The following CALY variants were observed in gnomAD, a reference collection of about 807,000 sequenced individuals.
CALY encodes the protein calcyon neuron specific vesicular protein.
In CALY, 15 loss-of-function variants were observed where a neutral mutation model predicts 20.2. That is an observed-to-expected ratio of 0.74 (90% CI 0.50 to 1.14). The LOEUF (loss-of-function observed/expected upper bound fraction) is 1.14, where lower values mean the gene tolerates loss of function less well. Ranked by LOEUF, CALY falls within the 50% of genes most tolerant of loss-of-function variation. The pLI, the probability that CALY is intolerant of heterozygous loss-of-function variation, is 0.00. For missense variants in CALY, 270 were observed against 304.4 expected (o/e 0.89, Z 0.84); for synonymous variants, 129 against 131.8 (o/e 0.98, Z 0.15).
intron 1 of CALY, among the ~76,000 whole-genome samples, chr10:133,329,392 C>CTTCTTCTTCTTTTTTTTTTTTTTTT (rs549430070): frequency 4.4e-5 from 6 of 137,450 alleles, no homozygotes; most frequent in African/African-American, 1.4e-4. Flanking sequence ...TCTTCTTCTT[C>CTTCTTCTTCTTTTTTTTTTTTTTTT]TTTTTTTTTT....
chr10:133,326,068 G>A lies in CALY; in HGVS notation c.413C>T (p.Pro138Leu). 1 of 1,600,554 alleles carries A rather than the reference G, an allele frequency of 6.2e-7. No individual in the cohort carries two copies. Among genetic ancestry groups the A allele is most frequent in the Non-Finnish European group, 8.5e-7 (1 of 1,172,704 alleles). The change falls in exon 5 of 6, where the codon CCC becomes CTC. Residue 138 changes from proline to leucine, a missense_variant. By Grantham distance (98) the Pro-to-Leu change is moderately conservative. Transcript: ENST00000252939. ...CGCCAGGATGCTGCGGTGGCGCTCG[G>A]GGTCCATCTCCGTGTAGTACATCTC... ...TLEMYYTEMD[P>L]ERHRSILAAI... is the part of the protein sequence containing the mutation.
chr10:133,335,260 C>T (rs1438536044), intron 1 of CALY, among the ~76,000 whole-genome samples: 1 of 152,024 alleles, frequency 6.6e-6, no homozygotes, highest in Non-Finnish European at 1.5e-5. Context: ...TCTCTACAGA[C>T]GGGCGAGGGG....
chr10:133,327,421 A>T (rs1848232321), intron 3 of CALY: 1 of 502,452 alleles, frequency 2.0e-6, no homozygotes, highest in African/African-American at 1.9e-5. Context: ...ACGTGAGGCC[A>T]GGGGCGGGGA....
At position 133,335,824 on chromosome 10, in the gene CALY, C is replaced by T. The variant is rs527694760; in HGVS notation, c.-21+1010G>A. Among the ~76,000 whole-genome samples the T allele has an allele frequency of 8.1e-4, 124 of 152,282 alleles. 1 individual carries two copies. Among genetic ancestry groups the T allele is most frequent in the African/African-American group, 2.9e-3 (119 of 41,572 alleles). ...CGCGCTCTGGCAGGGAGGCAGTGCC[C>T]GGCTCCTGTCTCTGGGGCGGGGAAG... On this transcript the variant is annotated intron_variant, in intron 1 of 5. Coordinates refer to ENST00000252939, the MANE Select transcript of CALY (RefSeq NM_015722.4).
At chr10:133,334,860 G>A (rs1308954092) in intron 1 of CALY, among the ~76,000 whole-genome samples, 2 of 152,038 alleles carry the variant, frequency 1.3e-5, no homozygotes, top group Admixed American at 6.5e-5. Flanking sequence ...CATCGCAGGC[G>A]ACCCTGTGCC....
At position 133,325,802 on chromosome 10, in the gene CALY, G is replaced by A. The variant is rs561109238; in HGVS notation, c.*25C>T. 2 of 1,182,782 alleles carry A rather than the reference G, an allele frequency of 1.7e-6. No homozygotes were observed. Among genetic ancestry groups the A allele is most frequent in the Admixed American group, 4.4e-5 (1 of 22,560 alleles). The allele number at this position is 1,182,782 out of a possible 1,614,324, so 73.3% of individuals were successfully genotyped here. On this transcript the variant is annotated 3_prime_UTR_variant, in exon 5 of 6. Coordinates refer to ENST00000252939, the MANE Select transcript of CALY (RefSeq NM_015722.4). ...GAGCCCCGCGGCGCGCACCTACCCC[G>A]GGCCGGGCTGCGGGGCTGGAGACGT...
chr10:133,328,763 GGGAAGA>G, intron 2 of CALY, 86 bp downstream of exon 2: 1 of 1,330,058 alleles, frequency 7.5e-7, no homozygotes, highest in Non-Finnish European at 1.0e-6. Context: ...TACTGCACCT[GGGAAGA>G]GGCCATATCT....
In CALY at chr10:133,324,989, A is replaced by G. The variant is rs1848179741; in HGVS notation, c.*606T>C. 4 of 172,522 alleles carry G rather than the reference A, an allele frequency of 2.3e-5. No individual in the cohort carries two copies. The highest frequency in any genetic ancestry group is 5.8e-5 in the Admixed American group (1 of 17,154). The allele number at this position is 172,522 out of a possible 1,614,324, so 10.7% of individuals were successfully genotyped here. On this transcript the variant is annotated 3_prime_UTR_variant, in exon 6 of 6. Transcript: ENST00000252939. ...ATTTATGCCTGTGGGCCACACATCT[A>G]GGAGGCAGGAGCTGCTCATGGGTGC...
At chr10:133,335,624 A>T (rs1202519528) in intron 1 of CALY, among the ~76,000 whole-genome samples, 1 of 151,366 alleles carries the variant, frequency 6.6e-6, no homozygotes, top group Non-Finnish European at 1.5e-5. Flanking sequence ...GTGGGGTCCA[A>T]CCCCCCCACC....
rs1342517885 is a variant in CALY, at chr10:133,325,980, G to A, written c.501C>T (p.Asp167=). 1 of 1,550,392 alleles carries A rather than the reference G, an allele frequency of 6.4e-7. No homozygotes were observed. The highest frequency in any genetic ancestry group is 1.2e-5 in the South Asian group (1 of 84,242). The change falls in exon 5 of 6, where the codon GAC becomes GAT. Residue 167 remains aspartate, a synonymous_variant. Transcript: ENST00000252939. Reference sequence around the variant, plus strand: ...GCTCCTCCTTGGCTGCGCGGTAGCCGTCCCCCCAGGCCGCCGGCGTCTCCG... The same window carrying A: ...GCTCCTCCTTGGCTGCGCGGTAGCCATCCCCCCAGGCCGCCGGCGTCTCCG... ...HGTETPAAWG[D]GYRAAKEERK...
At chr10:133,327,023 G>A (rs1463902498) in intron 3 of CALY, 32 bp from the exon 4 acceptor site, 6 of 1,470,214 alleles carry the variant, frequency 4.1e-6, no homozygotes, top group South Asian at 1.2e-5. Context: ...GCTCAGCCAC[G>A]CCAGGCAGGG....
chr10:133,328,232 G>A (rs1160365416), intron 2 of CALY, among the ~76,000 whole-genome samples: 1 of 152,240 alleles, frequency 6.6e-6, no homozygotes, highest in Non-Finnish European at 1.5e-5. Context: ...GCGCATGGCA[G>A]CTCTGGGCCT....
chr10:133,326,018 G>C lies in CALY; in HGVS notation c.463C>G (p.Arg155Gly). ...LAAIGAYPLS[R>G]KHGTETPAAW... ...GCCGGCGTCTCCGTGCCGTGCTTGC[G>C]GCTCAGCGGGTAGGCCCCGATGGCC... is the stretch of plus-strand genomic sequence containing the variant. Residue 155 changes from arginine to glycine, a missense_variant, in exon 5 of 6, where the codon CGC becomes GGC. By Grantham distance (125) the Arg-to-Gly change is moderately radical (BLOSUM62 -2). Coordinates refer to ENST00000252939, the MANE Select transcript of CALY (RefSeq NM_015722.4). The C allele has an allele frequency of 6.3e-7, 1 of 1,584,246 alleles. No homozygotes were observed. Among genetic ancestry groups the C allele is most frequent in the Non-Finnish European group, 8.6e-7 (1 of 1,165,610 alleles).
Position 133,329,023 on chromosome 10 carries a change from G to C in CALY, c.-20-14C>G. ...GCAGTCCTTGTCCTGTCCAAAGACA[G>C]ACAGAGTCACTGCCCACAGGCTGCC... On this transcript the variant is annotated splice_polypyrimidine_tract_variant and intron_variant, in intron 1 of 5. Transcript: ENST00000252939. 6 of 1,522,654 alleles carry C rather than the reference G, an allele frequency of 3.9e-6. No individual in the cohort carries two copies. Among genetic ancestry groups the C allele is most frequent in the Non-Finnish European group, 5.3e-6 (6 of 1,131,428 alleles). The allele number at this position is 1,522,654 out of a possible 1,614,324, so 94.3% of individuals were successfully genotyped here.
At chr10:133,326,562 C>T (rs983003929) in intron 4 of CALY, among the ~76,000 whole-genome samples, 2 of 151,904 alleles carry the variant, frequency 1.3e-5, no homozygotes, top group Non-Finnish European at 2.9e-5. Context: ...GCATTAATAT[C>T]ATGTTATATA....
At chr10:133,333,296 G>A (rs1401047001) in intron 1 of CALY, among the ~76,000 whole-genome samples, 2 of 103,424 alleles carry the variant, frequency 1.9e-5, no homozygotes, top group South Asian at 8.9e-4. Flanking sequence ...AGGGGGTGGG[G>A]GGGGGGGAAG....
At chr10:133,334,921 C>A (rs1848408927) in intron 1 of CALY, among the ~76,000 whole-genome samples, 1 of 152,142 alleles carries the variant, frequency 6.6e-6, no homozygotes, top group Non-Finnish European at 1.5e-5. Flanking sequence ...ACCACCCACC[C>A]CGGGCTGAAG....
Position 133,328,999 on chromosome 10 carries a change from C to T in CALY, c.-10G>A, listed in dbSNP as rs1469057498. On this transcript the variant is annotated 5_prime_UTR_variant, in exon 2 of 6. Transcript: ENST00000252939. The stretch of plus-strand genomic sequence containing the variant: ...AGCCCAGCTTCACCATGGTGGATGG[C>T]AGTCCTTGTCCTGTCCAAAGACAGA... 3 of 1,555,896 alleles carry T rather than the reference C, an allele frequency of 1.9e-6. No homozygotes were observed. Among genetic ancestry groups the T allele is most frequent in the Non-Finnish European group, 2.6e-6 (3 of 1,150,302 alleles).
chr10:133,336,537 G>A (rs1848447069), intron 1 of CALY, among the ~76,000 whole-genome samples: 1 of 152,292 alleles, frequency 6.6e-6, no homozygotes, highest in South Asian at 2.1e-4. Context: ...TCGTGCCGGG[G>A]CCCCGCCGTC....
Sources: allele counts gnomAD v4.1 joint callset (sites outside exome capture counted in the v4.1 genomes callset), GRCh38; gene constraint gnomAD v4.1.1; transcripts MANE v1.5; gene names NCBI Gene and HGNC (gene_info 2026-07-23, HGNC 2026-07-21).